KMT2C: variants seen among roughly 807,000 people sequenced by gnomAD.
KMT2C encodes lysine methyltransferase 2C, also known as histone-lysine N-methyltransferase 2C.
KMT2C carries 88 observed loss-of-function variants against 507.9 expected under a neutral mutation model. That is an observed-to-expected ratio of 0.17 (90% CI 0.15 to 0.21). KMT2C has a LOEUF of 0.21. Among genes scored for constraint, KMT2C ranks in the 10% least tolerant of loss-of-function variants. KMT2C has a pLI of 1.00. For missense variants in KMT2C, 4,954 were observed against 5,957.8 expected (o/e 0.83, Z 5.55); for synonymous variants, 2,049 against 2,080.8 (o/e 0.98, Z 0.42).
chr7:152,305,238 T>C (rs1467014304), intron 6 of KMT2C, among the ~76,000 whole-genome samples: 1 of 152,180 alleles, frequency 6.6e-6, no homozygotes, highest in Non-Finnish European at 1.5e-5. Context: ...ATATACACTC[T>C]GTCAGAGGTG....
At chr7:152,147,954 T>A in intron 52 of KMT2C, 79 bp downstream of exon 52, 1 of 1,421,010 alleles carries the variant, frequency 7.0e-7, no homozygotes, top group South Asian at 1.5e-5. Context: ...GAGACAAACA[T>A]GGAAAATTGA....
chr7:152,366,109 A>T (rs772322255), intron 1 of KMT2C, among the ~76,000 whole-genome samples: 4 of 152,226 alleles, frequency 2.6e-5, no homozygotes, highest in Non-Finnish European at 4.4e-5. Context: ...GTTGGCAAGG[A>T]CGTGGAGAAA....
chr7:152,345,341 C>G (rs2097047910), intron 2 of KMT2C, among the ~76,000 whole-genome samples: 1 of 152,068 alleles, frequency 6.6e-6, no homozygotes, highest in African/African-American at 2.4e-5. Context: ...ACTTGCGAAG[C>G]TGAGGTGCGA....
chr7:152,309,912 G>T, intron 6 of KMT2C, 54 bp downstream of exon 6: 1 of 1,106,968 alleles, frequency 9.0e-7, no homozygotes, highest in Non-Finnish European at 1.4e-6. Context: ...GTGAACTTCT[G>T]ATTAAAGTGA....
chr7:152,419,715 G>T (rs1215859703), intron 1 of KMT2C, among the ~76,000 whole-genome samples: 1 of 152,090 alleles, frequency 6.6e-6, no homozygotes, highest in African/African-American at 2.4e-5. Context: ...AAAAGCAAAG[G>T]TCAGGGTCAG....
At chr7:152,363,796 G>A (rs1055477136) in intron 1 of KMT2C, among the ~76,000 whole-genome samples, 2 of 152,190 alleles carry the variant, frequency 1.3e-5, no homozygotes, top group Non-Finnish European at 2.9e-5. Context: ...GGATACCCTT[G>A]AGTTTCAACT....
chr7:152,202,072 G>T (rs1588160841), intron 26 of KMT2C, among the ~76,000 whole-genome samples: 1 of 152,194 alleles, frequency 6.6e-6, no homozygotes, highest in Admixed American at 6.5e-5. Flanking sequence ...CTGGAAAATT[G>T]ATGTAAAAAA....
intron 16 of KMT2C, among the ~76,000 whole-genome samples, chr7:152,234,478 T>G (rs2095221576): frequency 6.6e-6 from 1 of 151,934 alleles, no homozygotes; most frequent in South Asian, 2.1e-4. Flanking sequence ...TAACGTATAA[T>G]ATAAGAAGAT....
chr7:152,421,126 C>G (rs1354341669), intron 1 of KMT2C, among the ~76,000 whole-genome samples: 1 of 151,770 alleles, frequency 6.6e-6, no homozygotes, highest in Non-Finnish European at 1.5e-5. Context: ...ATGTGGCCAA[C>G]AAGCATATGA....
intron 31 of KMT2C, among the ~76,000 whole-genome samples, chr7:152,189,194 T>G (rs1420082120): frequency 6.6e-6 from 1 of 152,210 alleles, no homozygotes; most frequent in Non-Finnish European, 1.5e-5. Flanking sequence ...CAGTCCTTAT[T>G]GTGAAAGTCT....
chr7:152,344,880 G>A (rs1280174354), intron 2 of KMT2C, among the ~76,000 whole-genome samples: 9 of 152,070 alleles, frequency 5.9e-5, no homozygotes, highest in South Asian at 2.1e-4. Context: ...CCAGCTACTC[G>A]GGAGGCTGAG....
intron 7 of KMT2C, among the ~76,000 whole-genome samples, chr7:152,271,565 TG>T (rs1413502792): frequency 1.4e-5 from 2 of 147,850 alleles, no homozygotes; most frequent in East Asian, 4.0e-4. Flanking sequence ...CCCAGCTACT[TG>T]GGAGGCTGAG....
intron 9 of KMT2C, among the ~76,000 whole-genome samples, chr7:152,256,840 T>C (rs942111126): frequency 8.5e-5 from 13 of 152,068 alleles, no homozygotes; most frequent in Admixed American, 5.9e-4. Flanking sequence ...AGACAAACAT[T>C]CAAAAGCTGA....
chr7:152,233,508 T>C (rs147316193), intron 16 of KMT2C, among the ~76,000 whole-genome samples: 1,845 of 151,596 alleles, frequency 0.012, 43 homozygotes, highest in African/African-American at 0.043. Flanking sequence ...AAAATAAAGA[T>C]GATAATAAAA....
intron 1 of KMT2C, among the ~76,000 whole-genome samples, chr7:152,363,855 A>G (rs1337495101): frequency 6.6e-6 from 1 of 152,252 alleles, no homozygotes; most frequent in Non-Finnish European, 1.5e-5. Context: ...AGACTGAACA[A>G]GAACAACTTC....
chr7:152,223,747 C>T (rs1055117508), intron 20 of KMT2C, among the ~76,000 whole-genome samples: 27 of 152,036 alleles, frequency 1.8e-4, no homozygotes, highest in African/African-American at 6.3e-4. Context: ...TTGCAGTGAG[C>T]CAAGATAGCG....
chr7:152,206,348 C>A (rs764328517), intron 24 of KMT2C, among the ~76,000 whole-genome samples: 2 of 151,242 alleles, frequency 1.3e-5, no homozygotes, highest in Non-Finnish European at 2.9e-5. Flanking sequence ...TAAAAAAGTA[C>A]ACTTATAAGC....
intron 6 of KMT2C, among the ~76,000 whole-genome samples, chr7:152,274,874 T>C (rs1464604148): frequency 7.9e-5 from 12 of 152,202 alleles, no homozygotes; most frequent in African/African-American, 2.9e-4. Flanking sequence ...GCACCAAAAA[T>C]GCTGCTTGAA....
intron 6 of KMT2C, among the ~76,000 whole-genome samples, chr7:152,299,795 T>C (rs2096550576): frequency 6.6e-6 from 1 of 151,880 alleles, no homozygotes; most frequent in Admixed American, 6.5e-5. Context: ...TTTAATGTGA[T>C]TGTCTTCTTA....
Sources: gnomAD v4.1 joint callset for allele counts (sites outside exome capture counted in the v4.1 genomes callset) on GRCh38, gnomAD v4.1.1 for gene constraint, MANE v1.5 for transcripts, NCBI Gene and HGNC (gene_info 2026-07-23, HGNC 2026-07-21) for gene names.